The following FAT3 variants were observed in gnomAD, a reference collection of about 807,000 sequenced individuals.
The protein encoded by FAT3 is FAT atypical cadherin 3.
A neutral mutation model predicts 310.2 loss-of-function variants in FAT3; 95 were observed. The observed-to-expected ratio is 0.31, with a 90% CI of 0.26 to 0.36. FAT3 has a LOEUF of 0.36. Among genes scored for constraint, FAT3 ranks in the 10% least tolerant of loss-of-function variants. The pLI, the probability that FAT3 is intolerant of heterozygous loss-of-function variation, is 1.00. For synonymous variants in FAT3, 2,314 were observed against 2,192.9 expected (o/e 1.06, Z -1.54); for missense variants, 5,408 against 5,715.6 (o/e 0.95, Z 1.74).
chr11:92,635,818 G>C (rs1027395034), intron 3 of FAT3, among the ~76,000 whole-genome samples: 4 of 152,132 alleles, frequency 2.6e-5, no homozygotes, highest in African/African-American at 7.2e-5. Flanking sequence ...GTTCTGTCTT[G>C]CAACTCAAAA....
intron 12 of FAT3, among the ~76,000 whole-genome samples, chr11:92,807,704 T>A (rs1356545094): frequency 6.6e-6 from 1 of 152,206 alleles, no homozygotes; most frequent in East Asian, 1.9e-4. Flanking sequence ...TAAACTTTCT[T>A]GCCTAGTTTC....
At chr11:92,806,544 T>C in intron 12 of FAT3, 29 bp downstream of exon 12, 1 of 1,521,646 alleles carries the variant, frequency 6.6e-7, no homozygotes, top group Non-Finnish European at 8.9e-7. Flanking sequence ...TTGAGATAAA[T>C]GTCATTGTTA....
chr11:92,403,640 A>T (rs1591236592), intron 2 of FAT3, among the ~76,000 whole-genome samples: 1 of 152,226 alleles, frequency 6.6e-6, no homozygotes, highest in East Asian at 1.9e-4. Flanking sequence ...CTAGGCCAGG[A>T]CAACTGCACT....
chr11:92,687,955 C>T (rs1460078650), intron 3 of FAT3, among the ~76,000 whole-genome samples: 1 of 151,418 alleles, frequency 6.6e-6, no homozygotes, highest in East Asian at 2.0e-4. Flanking sequence ...AATCCCAGCA[C>T]TTTGGGAGGC....
At chr11:92,282,757 T>C (rs771964717) in intron 1 of FAT3, among the ~76,000 whole-genome samples, 7 of 152,064 alleles carry the variant, frequency 4.6e-5, no homozygotes, top group Non-Finnish European at 7.4e-5. Flanking sequence ...GTACGAAACA[T>C]CTTGTTTTGA....
chr11:92,225,152 G>T lies in FAT3; in HGVS notation c.-40G>T, dbSNP rs1243464925. 6.6e-6 allele frequency among the ~76,000 whole-genome samples: 1 copy of T among 152,174 alleles called. No individual in the cohort carries two copies. The highest frequency in any genetic ancestry group is 1.5e-5 in the Non-Finnish European group (1 of 68,032). ...CACGGGGGAGGCGCCTCGTAGAGCC[G>T]TGGATCGCCAGCGGAGGCAAGGGTG... On this transcript the variant is annotated 5_prime_UTR_variant, in exon 1 of 28. Transcript: ENST00000525166.
intron 2 of FAT3, among the ~76,000 whole-genome samples, chr11:92,397,755 A>ATT (rs569826914): frequency 7.4e-6 from 1 of 135,222 alleles, no homozygotes. Context: ...CCTTCCCAGA[A>ATT]TTTTTTTTTT....
In FAT3 at chr11:92,491,010, G is replaced by A. The variant is rs1952583268; in HGVS notation, c.3293-33624G>A. ...TGGCATAATTCTCTTCTGTGAAGAGGATTGTAAATAAAACAGTTAGGGGCC... is the reference window on the plus strand; with the variant it reads ...TGGCATAATTCTCTTCTGTGAAGAGAATTGTAAATAAAACAGTTAGGGGCC... On this transcript the variant is annotated intron_variant, in intron 2 of 27. Transcript: ENST00000525166. Among the ~76,000 whole-genome samples the A allele has an allele frequency of 2.0e-5, 3 of 151,958 alleles. 1 individual carries two copies. In the South Asian group the frequency reaches 6.2e-4, roughly 32 times the overall value.
intron 3 of FAT3, among the ~76,000 whole-genome samples, chr11:92,653,237 C>T (rs79656610): frequency 2.6e-5 from 4 of 151,472 alleles, no homozygotes; most frequent in Non-Finnish European, 5.9e-5. Context: ...CGTGTGCACA[C>T]GTGTGCATGT....
intron 3 of FAT3, among the ~76,000 whole-genome samples, chr11:92,534,073 T>C (rs1407669810): frequency 1.3e-5 from 2 of 152,230 alleles, no homozygotes; most frequent in African/African-American, 4.8e-5. Context: ...TGAATTTTAA[T>C]TGAAACCACT....
chr11:92,272,523 C>A (rs1946152767), intron 1 of FAT3, among the ~76,000 whole-genome samples: 1 of 151,834 alleles, frequency 6.6e-6, no homozygotes, highest in South Asian at 2.1e-4. Context: ...TAATATAACC[C>A]ACATAAAAGG....
At position 92,801,529 on chromosome 11, in the gene FAT3, T is replaced by C. The variant is rs200241295; in HGVS notation, c.8516T>C (p.Ile2839Thr). The change falls in exon 10 of 28, where the codon ATT becomes ACT. Residue 2839 changes from isoleucine to threonine, a missense_variant. Around this residue, in one of 5 missense-constraint regions of FAT3, gnomAD observed 4,588 missense variants for 4,809.8 expected, o/e 0.95. Transcript: ENST00000525166. ...ACCAAACTCACACAAGTGAGAGCTA[T>C]TGATATGGACTGGGGAGCCAATGGA... ...VGTKLTQVRA[I>T]DMDWGANGQV... 5.4e-4 allele frequency: 872 copies of C among 1,609,708 alleles called. No homozygotes were observed. The highest frequency in any genetic ancestry group is 2.3e-3 in the Middle Eastern group (14 of 6,058).
chr11:92,474,351 A>G (rs1951991866), intron 2 of FAT3, among the ~76,000 whole-genome samples: 1 of 152,232 alleles, frequency 6.6e-6, no homozygotes, highest in Admixed American at 6.5e-5. Context: ...TGAAAAGAGT[A>G]CATATGAAAT....
At chr11:92,692,264 A>G (rs1471166416) in intron 3 of FAT3, among the ~76,000 whole-genome samples, 1 of 152,176 alleles carries the variant, frequency 6.6e-6, no homozygotes, top group Non-Finnish European at 1.5e-5. Flanking sequence ...TGTATAATAA[A>G]ATAACATTGA....
intron 1 of FAT3, among the ~76,000 whole-genome samples, chr11:92,268,782 A>G (rs1160250452): frequency 6.6e-6 from 1 of 152,198 alleles, no homozygotes; most frequent in Non-Finnish European, 1.5e-5. Flanking sequence ...TCTGATTGGC[A>G]TTTAGAAACA....
intron 2 of FAT3, among the ~76,000 whole-genome samples, chr11:92,500,564 C>T (rs1952908689): frequency 1.3e-5 from 2 of 151,956 alleles, no homozygotes; most frequent in South Asian, 2.1e-4. Flanking sequence ...TATCTCTCTC[C>T]CTGGAAACAT....
At chr11:92,727,742 C>T (rs941279210) in intron 4 of FAT3, among the ~76,000 whole-genome samples, 5 of 152,114 alleles carry the variant, frequency 3.3e-5, no homozygotes, top group Non-Finnish European at 7.3e-5. Flanking sequence ...CCTCACATGC[C>T]TTAGAGTGGT....
intron 1 of FAT3, among the ~76,000 whole-genome samples, chr11:92,263,774 C>T (rs1865662420): frequency 6.6e-6 from 1 of 151,982 alleles, no homozygotes; most frequent in African/African-American, 2.4e-5. Flanking sequence ...TCATGTCCTA[C>T]TTTGTGTTGC....
At chr11:92,455,755 C>T (rs1399622741) in intron 2 of FAT3, among the ~76,000 whole-genome samples, 2 of 152,124 alleles carry the variant, frequency 1.3e-5, no homozygotes, top group East Asian at 1.9e-4. Flanking sequence ...TCTCACTGTC[C>T]TTATTTACAT....
Sources: gnomAD v4.1 joint callset for allele counts (sites outside exome capture counted in the v4.1 genomes callset) on GRCh38, gnomAD v4.1.1 for gene constraint, gnomAD v4.1.1 regional missense constraint, MANE v1.5 for transcripts, NCBI Gene and HGNC (gene_info 2026-07-23, HGNC 2026-07-21) for gene names.